KIF26B: variants seen among roughly 807,000 people sequenced by gnomAD.
KIF26B encodes the protein kinesin-like protein KIF26B.
Under a neutral mutation model 151.2 loss-of-function variants are expected in KIF26B, and 63 were observed. The ratio of observed to expected loss-of-function variants is 0.42; its 90% CI spans 0.34 to 0.51. The LOEUF (loss-of-function observed/expected upper bound fraction) is 0.51, where lower values mean the gene tolerates loss of function less well. Among genes scored for constraint, KIF26B ranks in the 20% least tolerant of loss-of-function variants. The probability of loss-of-function intolerance (pLI) is 0.07; values close to 1 mark genes in which losing one functional copy is unlikely to be tolerated. For missense variants in KIF26B, 2,813 were observed against 2,913.6 expected (o/e 0.97, Z 0.79); for synonymous variants, 1,357 against 1,262.1 (o/e 1.08, Z -1.59).
intron 2 of KIF26B, among the ~76,000 whole-genome samples, chr1:245,179,282 C>T (rs115504431): frequency 1.3e-5 from 2 of 152,172 alleles, no homozygotes; most frequent in East Asian, 3.9e-4. Flanking sequence ...ACACATTTAT[C>T]AGGCTCCCAA....
At position 245,577,857 on chromosome 1, in the gene KIF26B, G is replaced by A. The variant is rs569686109; in HGVS notation, c.1351-24720G>A. On this transcript the variant is annotated intron_variant, in intron 5 of 14. Transcript: ENST00000407071. ...CACCGGAAGAGCTTTGTGGAACTCC[G>A]GGCGATGCATCCCCTCACCGGAAGA... Among the ~76,000 whole-genome samples, 6 of 147,462 alleles carry A rather than the reference G, an allele frequency of 4.1e-5. No homozygotes were observed. The East Asian group carries it at 1.2e-3, about 30-fold the overall frequency.
intron 10 of KIF26B, among the ~76,000 whole-genome samples, chr1:245,661,836 C>T (rs890484122): frequency 1.0e-5 from 1 of 95,780 alleles, no homozygotes; most frequent in Non-Finnish European, 2.3e-5. Flanking sequence ...ATATTACACA[C>T]ACCATATATA....
intron 3 of KIF26B, among the ~76,000 whole-genome samples, chr1:245,407,375 A>T (rs373722630): frequency 9.9e-5 from 15 of 152,150 alleles, no homozygotes; most frequent in African/African-American, 3.4e-4. Context: ...ACTGACTGAG[A>T]TGAACAATTA....
intron 3 of KIF26B, among the ~76,000 whole-genome samples, chr1:245,389,208 G>C (rs1673626892): frequency 6.6e-6 from 1 of 151,966 alleles, no homozygotes; most frequent in African/African-American, 2.4e-5. Flanking sequence ...CTACCTCCTG[G>C]GTTCAAGCAA....
chr1:245,678,828 A>C (rs2044389821), intron 10 of KIF26B, among the ~76,000 whole-genome samples: 1 of 151,284 alleles, frequency 6.6e-6, no homozygotes. Context: ...ACACTACTGC[A>C]CTCCAGCCCG....
At chr1:245,202,407 G>A (rs10802196) in intron 2 of KIF26B, among the ~76,000 whole-genome samples, 41 of 152,062 alleles carry the variant, frequency 2.7e-4, no homozygotes, top group African/African-American at 9.4e-4. Context: ...CTGATCTACC[G>A]GTCTGAGCTT....
At chr1:245,247,246 T>C (rs1670351457) in intron 2 of KIF26B, among the ~76,000 whole-genome samples, 1 of 149,768 alleles carries the variant, frequency 6.7e-6, no homozygotes, top group African/African-American at 2.5e-5. Context: ...AGGTCAGGAG[T>C]TTGAGACCAG....
At chr1:245,204,436 C>T (rs866601253) in intron 2 of KIF26B, among the ~76,000 whole-genome samples, 5 of 151,322 alleles carry the variant, frequency 3.3e-5, no homozygotes, top group East Asian at 2.0e-4. Context: ...TGCAGTGGTG[C>T]GATCTCGGCT....
chr1:245,279,347 C>T (rs1167030466), intron 2 of KIF26B, among the ~76,000 whole-genome samples: 1 of 148,728 alleles, frequency 6.7e-6, no homozygotes, highest in East Asian at 2.0e-4. Flanking sequence ...TGCTTTGTCA[C>T]CCCAGGCTGG....
chr1:245,338,281 A>C (rs890319051), intron 2 of KIF26B, among the ~76,000 whole-genome samples: 1 of 152,238 alleles, frequency 6.6e-6, no homozygotes, highest in Non-Finnish European at 1.5e-5. Context: ...TGTGGTCAGC[A>C]GACCAAAGCC....
At chr1:245,677,922 G>A (rs1195267812) in intron 10 of KIF26B, among the ~76,000 whole-genome samples, 2 of 152,242 alleles carry the variant, frequency 1.3e-5, no homozygotes, top group African/African-American at 2.4e-5. Context: ...GCTGGTGATG[G>A]TTTCCCTTGA....
intron 3 of KIF26B, among the ~76,000 whole-genome samples, chr1:245,396,398 A>G (rs895677652): frequency 3.3e-5 from 5 of 152,212 alleles, no homozygotes; most frequent in African/African-American, 1.2e-4. Flanking sequence ...CATTTTTATA[A>G]TCACTCAAAA....
intron 3 of KIF26B, among the ~76,000 whole-genome samples, chr1:245,385,595 C>T (rs562865873): frequency 1.3e-5 from 2 of 152,186 alleles, no homozygotes; most frequent in East Asian, 3.9e-4. Flanking sequence ...AAACCTGGGG[C>T]GGCGTGGAGC....
At chr1:245,455,337 C>G (rs1357812111) in intron 4 of KIF26B, among the ~76,000 whole-genome samples, 1 of 152,070 alleles carries the variant, frequency 6.6e-6, no homozygotes, top group East Asian at 1.9e-4. Flanking sequence ...AACCCCATCT[C>G]TACTAAAAAT....
chr1:245,166,631 G>T lies in KIF26B; in HGVS notation c.465+9948G>T, dbSNP rs1668619196. Reference sequence around the variant, plus strand: ...AATGAGGGAGAGCAGATTTCCTCCAGTGACTGCGCATGCGATGTGCAGATC... The same window carrying T: ...AATGAGGGAGAGCAGATTTCCTCCATTGACTGCGCATGCGATGTGCAGATC... On this transcript the variant is annotated intron_variant, in intron 2 of 14. Coordinates refer to ENST00000407071, the MANE Select transcript of KIF26B (RefSeq NM_018012.4). The surrounding 1 kb of genome is among the most constrained non-coding windows in gnomAD (Gnocchi z 4.5). Among the ~76,000 whole-genome samples, 1 of 152,208 alleles carries T rather than the reference G, an allele frequency of 6.6e-6. No homozygotes were observed. The highest frequency in any genetic ancestry group is 1.5e-5 in the Non-Finnish European group (1 of 68,052).
intron 2 of KIF26B, among the ~76,000 whole-genome samples, chr1:245,212,176 G>T (rs939829659): frequency 2.6e-5 from 4 of 152,208 alleles, no homozygotes; most frequent in Admixed American, 1.3e-4. Flanking sequence ...TAATTTTACG[G>T]TTGGGGTCTC....
At chr1:245,387,977 C>T (rs534714029) in intron 3 of KIF26B, among the ~76,000 whole-genome samples, 2 of 152,230 alleles carry the variant, frequency 1.3e-5, no homozygotes, top group South Asian at 4.2e-4. Flanking sequence ...ATTTTTGAGG[C>T]CAGAATAGGC....
At chr1:245,524,968 C>T (rs1661207535) in intron 4 of KIF26B, among the ~76,000 whole-genome samples, 1 of 152,146 alleles carries the variant, frequency 6.6e-6, no homozygotes. Context: ...TTCTTAGCCA[C>T]TTGTTCCGTC....
chr1:245,384,130 G>C (rs561013586), intron 3 of KIF26B, among the ~76,000 whole-genome samples: 2 of 152,286 alleles, frequency 1.3e-5, no homozygotes, highest in Admixed American at 1.3e-4. Flanking sequence ...ATGCCTTTGA[G>C]CAGCTACCAC....
Sources: allele counts gnomAD v4.1 joint callset (sites outside exome capture counted in the v4.1 genomes callset), GRCh38; gene constraint gnomAD v4.1.1; non-coding constraint Gnocchi (gnomAD v3.1); transcripts MANE v1.5; gene names NCBI Gene and HGNC (gene_info 2026-07-23, HGNC 2026-07-21).